Variants in TBC1D30 observed in about 807,000 individuals in gnomAD.
TBC1D30 encodes TBC1 domain family member 30.
Under a neutral mutation model 63.2 loss-of-function variants are expected in TBC1D30, and 31 were observed. The ratio of observed to expected loss-of-function variants is 0.49; its 90% CI spans 0.37 to 0.66. The LOEUF (loss-of-function observed/expected upper bound fraction) is 0.66, where lower values mean the gene tolerates loss of function less well. TBC1D30 is among the 30% of genes least tolerant of loss of function. The probability of loss-of-function intolerance (pLI) is 0.00; values close to 1 mark genes in which losing one functional copy is unlikely to be tolerated. For synonymous variants in TBC1D30, 307 were observed against 361.5 expected (o/e 0.85, Z 1.71); for missense variants, 810 against 953.6 (o/e 0.85, Z 1.98).
At chr12:64,862,728 C>CA (rs1262303634) in intron 8 of TBC1D30, among the ~76,000 whole-genome samples, 1 of 152,146 alleles carries the variant, frequency 6.6e-6, no homozygotes, top group Non-Finnish European at 1.5e-5. Context: ...TTCTTAGCAT[C>CA]AAAAATCTCA....
Position 64,875,884 on chromosome 12 carries a change from A to C in TBC1D30, c.*96A>C. On this transcript the variant is annotated 3_prime_UTR_variant, in exon 12 of 12. Transcript: ENST00000539867. ...AAAAGAGTTTTATTTGTCCAGTGAA[A>C]ATGAATAGGTTCAGGGATGAGCAAC... 7.9e-7 allele frequency: 1 copy of C among 1,271,234 alleles called. No individual in the cohort carries two copies. Among genetic ancestry groups the C allele is most frequent in the South Asian group, 1.6e-5 (1 of 62,702 alleles). The allele number at this position is 1,271,234 out of a possible 1,614,324, so 78.7% of individuals were successfully genotyped here.
At position 64,772,936 on chromosome 12, in the gene TBC1D30, G is replaced by C. The variant is rs186833516; in HGVS notation, c.-375-12945G>C. ...GTTATACTCTGTCACTTGGAATCTTGTGTAATAATAATTAAGTAGTAAACT... is the reference window on the plus strand; with the variant it reads ...GTTATACTCTGTCACTTGGAATCTTCTGTAATAATAATTAAGTAGTAAACT... On this transcript the variant is annotated intron_variant, in intron 1 of 13. Coordinates refer to the TBC1D30 transcript ENST00000674237. 5.5e-3 allele frequency among the ~76,000 whole-genome samples: 843 copies of C among 152,286 alleles called. 5 individuals carry two copies. Among genetic ancestry groups the C allele is most frequent in the Non-Finnish European group, 8.3e-3 (568 of 68,034 alleles).
intron 2 of TBC1D30, among the ~76,000 whole-genome samples, chr12:64,803,559 A>T (rs958106473): frequency 1.3e-5 from 2 of 152,208 alleles, no homozygotes; most frequent in African/African-American, 4.8e-5. Flanking sequence ...TGTTTTAGAC[A>T]TGAAGTCCTT....
chr12:64,806,459 A>T lies in TBC1D30; in HGVS notation c.643+20414A>T, dbSNP rs573592016. ...AGATTGAAGGCTCAGAGAGTTGAAT[A>T]AGATGCATACAGCCAGCTCACATCC... On this transcript the variant is annotated intron_variant, in intron 2 of 12. Coordinates refer to the TBC1D30 transcript ENST00000542120. 4.6e-5 allele frequency among the ~76,000 whole-genome samples: 7 copies of T among 152,316 alleles called. No individual in the cohort carries two copies. In the South Asian group the frequency reaches 1.4e-3, roughly 32 times the overall value.
chr12:64,833,498 T>C (rs1875054639), intron 5 of TBC1D30, among the ~76,000 whole-genome samples: 2 of 152,236 alleles, frequency 1.3e-5, no homozygotes, highest in African/African-American at 2.4e-5. Context: ...ATGAGATAGA[T>C]ACTTAGTCTT....
chr12:64,842,380 TAAAC>T (rs1223149850), intron 7 of TBC1D30, among the ~76,000 whole-genome samples: 4 of 152,060 alleles, frequency 2.6e-5, no homozygotes, highest in Non-Finnish European at 5.9e-5. Flanking sequence ...AATAAATAAA[TAAAC>T]AAACAAAATG....
chr12:64,834,707 CTTT>C (rs11374555), intron 5 of TBC1D30, among the ~76,000 whole-genome samples: 1 of 76,318 alleles, frequency 1.3e-5, no homozygotes, highest in Non-Finnish European at 2.5e-5. Flanking sequence ...CCGTGCCGGG[CTTT>C]TTTTTTTTTT....
chr12:64,862,239 A>G (rs1241018218), intron 8 of TBC1D30, among the ~76,000 whole-genome samples: 4 of 152,176 alleles, frequency 2.6e-5, no homozygotes, highest in African/African-American at 9.7e-5. Flanking sequence ...CCTGAGTGCT[A>G]TGTCGGTGTG....
In TBC1D30 at chr12:64,844,781, T is replaced by C. The variant is rs1276853952; in HGVS notation, c.1038+1296T>C. Among the ~76,000 whole-genome samples, 5 of 152,156 alleles carry C rather than the reference T, an allele frequency of 3.3e-5. No homozygotes were observed. In the South Asian group the frequency reaches 1.0e-3, roughly 32 times the overall value. On this transcript the variant is annotated intron_variant, in intron 8 of 11. Coordinates refer to ENST00000539867, the MANE Select transcript of TBC1D30 (RefSeq NM_015279.2). The stretch of plus-strand genomic sequence containing the variant: ...AGTGAGAACATTCAAAGTTTGTCTT[T>C]CCATGCCTGGCTTATTTCACTTAAT...
rs911550316 is a variant in TBC1D30 at position 64,759,511 on chromosome 12, G to A, written c.-514G>A. 4 of 508,154 alleles carry A rather than the reference G, an allele frequency of 7.9e-6. No individual in the cohort carries two copies. The East Asian group carries it at 1.3e-4, about 16-fold the overall frequency. The allele number at this position is 508,154 out of a possible 1,614,324, so 31.5% of individuals were successfully genotyped here. On this transcript the variant is annotated 5_prime_UTR_variant, in exon 1 of 14. Coordinates refer to the TBC1D30 transcript ENST00000674237. ...GCGGGGCTGCGGACTGGCGCAGCCT[G>A]GAGGGAGGCATCAGGCAGTGGCGGA...
chr12:64,845,288 C>T (rs1168360146), intron 8 of TBC1D30, among the ~76,000 whole-genome samples: 1 of 152,128 alleles, frequency 6.6e-6, no homozygotes, highest in Admixed American at 6.5e-5. Context: ...TTTGTTACTG[C>T]CTGTCTTGAT....
intron 2 of TBC1D30, among the ~76,000 whole-genome samples, chr12:64,795,846 T>G (rs1375070263): frequency 6.6e-6 from 1 of 151,752 alleles, no homozygotes; most frequent in Non-Finnish European, 1.5e-5. Context: ...CCAGATGTGC[T>G]TTTTCCTTTT....
chr12:64,875,786 T>A lies in TBC1D30; in HGVS notation c.2284T>A (p.Ter762ArgextTer24), dbSNP rs1383377008. 1 of 1,527,600 alleles carries A rather than the reference T, an allele frequency of 6.5e-7. No homozygotes were observed. Among genetic ancestry groups the A allele is most frequent in the South Asian group, 1.2e-5 (1 of 82,802 alleles). The allele number at this position is 1,527,600 out of a possible 1,614,324, so 94.6% of individuals were successfully genotyped here. ...GGGNSGTKKR[*>R] ...TGGAAACAGTGGCACTAAAAAACGA[T>A]GATGTCTCCCCGAAACTTTGTATCT... Residue 762 changes from the stop codon to arginine, a stop_lost, in exon 12 of 12, where the codon TGA becomes AGA. Coordinates refer to ENST00000539867, the MANE Select transcript of TBC1D30 (RefSeq NM_015279.2).
At chr12:64,861,407 TA>T (rs1877775991) in intron 8 of TBC1D30, among the ~76,000 whole-genome samples, 1 of 152,218 alleles carries the variant, frequency 6.6e-6, no homozygotes, top group Non-Finnish European at 1.5e-5. Flanking sequence ...CATTTTTTTT[TA>T]ATTTAGTGCT....
At chr12:64,775,359 T>G (rs1188720116) in intron 1 of TBC1D30, among the ~76,000 whole-genome samples, 3 of 152,086 alleles carry the variant, frequency 2.0e-5, no homozygotes, top group Non-Finnish European at 2.9e-5. Flanking sequence ...AACCATGACC[T>G]AGTGGTATGC....
intron 2 of TBC1D30, among the ~76,000 whole-genome samples, chr12:64,791,792 C>G (rs1409148006): frequency 6.6e-6 from 1 of 151,924 alleles, no homozygotes; most frequent in East Asian, 1.9e-4. Context: ...CTATACTACT[C>G]AGGCTGGTCT....
intron 11 of TBC1D30, 38 bp from the exon 12 acceptor site, chr12:64,874,963 G>A: frequency 6.7e-7 from 1 of 1,501,256 alleles, no homozygotes; most frequent in Non-Finnish European, 8.9e-7. Flanking sequence ...GTGTTTCTTT[G>A]TGGTACACTT....
At chr12:64,832,807 G>A (rs943173848) in intron 5 of TBC1D30, among the ~76,000 whole-genome samples, 4 of 152,188 alleles carry the variant, frequency 2.6e-5, no homozygotes, top group Non-Finnish European at 5.9e-5. Context: ...TGAGGCCATG[G>A]TTCCTTGCTG....
At chr12:64,848,542 G>A (rs918879732) in intron 8 of TBC1D30, among the ~76,000 whole-genome samples, 1 of 152,212 alleles carries the variant, frequency 6.6e-6, no homozygotes, top group Middle Eastern at 3.4e-3. Flanking sequence ...TTCTGCTCCT[G>A]TGTTACTTTG....
Sources: allele counts gnomAD v4.1 joint callset (sites outside exome capture counted in the v4.1 genomes callset), GRCh38; gene constraint gnomAD v4.1.1; transcripts MANE v1.5; gene names NCBI Gene and HGNC (gene_info 2026-07-23, HGNC 2026-07-21).